The following VGLL4 variants were observed in gnomAD, a reference collection of about 807,000 sequenced individuals.
The protein encoded by VGLL4 is transcription cofactor vestigial-like protein 4.
VGLL4 carries 7 observed loss-of-function variants against 21.0 expected under a neutral mutation model. That is an observed-to-expected ratio of 0.33 (90% CI 0.19 to 0.63). VGLL4 has a LOEUF of 0.63. Ranked by LOEUF, VGLL4 falls within the 20% of genes least tolerant of loss-of-function variation. The pLI is 0.78. For missense variants in VGLL4, 394 were observed against 425.7 expected (o/e 0.93, Z 0.66); for synonymous variants, 222 against 173.2 (o/e 1.28, Z -2.21).
Position 11,558,531 on chromosome 3 carries a change from C to G in VGLL4, c.*25G>C. 1 of 1,565,006 alleles carries G rather than the reference C, an allele frequency of 6.4e-7. No homozygotes were observed. The highest frequency in any genetic ancestry group is 1.1e-5 in the South Asian group (1 of 90,674). On this transcript the variant is annotated 3_prime_UTR_variant, in exon 5 of 5. Coordinates refer to ENST00000430365, the MANE Select transcript of VGLL4 (RefSeq NM_001128219.3). ...AGCTCAGGCAAACCATGCAGATCCA[C>G]GTGTTGTTGGAGGAGGCGCTCCCTT...
intron 1 of VGLL4, among the ~76,000 whole-genome samples, chr3:11,716,165 G>T (rs956159315): frequency 2.6e-5 from 4 of 151,908 alleles, no homozygotes; most frequent in Non-Finnish European, 5.9e-5. Context: ...AGCCAGGTGT[G>T]GTGGTGGGTG....
In VGLL4 at chr3:11,618,714, T is replaced by C. The variant is rs539234697; in HGVS notation, c.83-16692A>G. 2.0e-5 allele frequency among the ~76,000 whole-genome samples: 3 copies of C among 152,330 alleles called. No individual in the cohort carries two copies. The South Asian group carries it at 6.2e-4, about 32-fold the overall frequency. On this transcript the variant is annotated intron_variant, in intron 1 of 4. Coordinates refer to ENST00000430365, the MANE Select transcript of VGLL4 (RefSeq NM_001128219.3). ...AGTAAAAAAGTCATAGAATTTAACC[T>C]GAAAACAAATATTCCATTAGCATGT...
intron 1 of VGLL4, chr3:11,627,228 A>ACTCTCTCTCTCTCTCT (rs1412462202): frequency 3.8e-4 from 47 of 123,456 alleles, no homozygotes; most frequent in African/African-American, 1.8e-3. Flanking sequence ...ACACACACAC[A>ACTCTCTCTCTCTCTCT]CACTCTCTCT....
rs141509494 is a variant in VGLL4, at chr3:11,568,828, G to A, written c.273-3809C>T. On this transcript the variant is annotated intron_variant, in intron 2 of 4. Coordinates refer to ENST00000430365, the MANE Select transcript of VGLL4 (RefSeq NM_001128219.3). This position sits in a 1 kb window ranked among gnomAD's most constrained non-coding sequence, Gnocchi z 5.9. ...CACGGCATCCCCGCGAACACCCAAAGGACTCTGAGTGGCTCCGTGCCAGGC... is the reference window on the plus strand; with the variant it reads ...CACGGCATCCCCGCGAACACCCAAAAGACTCTGAGTGGCTCCGTGCCAGGC... 647 of 1,417,860 alleles carry A rather than the reference G, an allele frequency of 4.6e-4. 3 individuals are homozygous for A. In the African/African-American group the frequency reaches 8.5e-3, roughly 19 times the overall value. The allele number at this position is 1,417,860 out of a possible 1,614,324, so 87.8% of individuals were successfully genotyped here. A position where few individuals can be genotyped will look rare whatever the true frequency, so the allele number is the denominator to read the frequency against.
intron 2 of VGLL4, among the ~76,000 whole-genome samples, chr3:11,681,869 C>T (rs774341118): frequency 7.9e-5 from 12 of 152,270 alleles, no homozygotes; most frequent in South Asian, 4.1e-4. Context: ...AACAGGGCGA[C>T]GGCCATAACA....
chr3:11,612,832 C>G (rs530663078), intron 1 of VGLL4, among the ~76,000 whole-genome samples: 1 of 152,352 alleles, frequency 6.6e-6, no homozygotes, highest in African/African-American at 2.4e-5. Flanking sequence ...ACCTTTAACA[C>G]CAAGTGCACA....
At position 11,558,920 on chromosome 3, in the gene VGLL4, G is replaced by C. The variant is rs552416606; in HGVS notation, c.620-93C>G. ...ACCCTCCCTCAGGCAGCCCAGAGCC[G>C]GACTGGCTGCCACGGTCAGCGTGGG... On this transcript the variant is annotated intron_variant, in intron 4 of 4. Coordinates refer to ENST00000430365, the MANE Select transcript of VGLL4 (RefSeq NM_001128219.3). 4.6e-5 allele frequency: 67 copies of C among 1,451,138 alleles called. 1 individual carries two copies. The South Asian group carries it at 7.6e-4, about 16-fold the overall frequency. The allele number at this position is 1,451,138 out of a possible 1,614,324, so 89.9% of individuals were successfully genotyped here.
intron 2 of VGLL4, among the ~76,000 whole-genome samples, chr3:11,650,689 C>T (rs1275009230): frequency 1.3e-5 from 2 of 149,454 alleles, no homozygotes; most frequent in East Asian, 3.9e-4. Context: ...TTTTAAAGTG[C>T]TTTTTTTCTC....
chr3:11,564,406 C>CG (rs894377008), intron 3 of VGLL4, among the ~76,000 whole-genome samples: 5 of 11,296 alleles, frequency 4.4e-4, no homozygotes, highest in Non-Finnish European at 2.1e-3. Context: ...AAACGTAGGA[C>CG]CCCCCCACCC....
chr3:11,590,140 T>C (rs1025716869), intron 2 of VGLL4, among the ~76,000 whole-genome samples: 1 of 152,276 alleles, frequency 6.6e-6, no homozygotes. Flanking sequence ...TAGAGCATCT[T>C]GAGAGAAGAG....
At chr3:11,692,307 T>C (rs1444742082) in intron 2 of VGLL4, among the ~76,000 whole-genome samples, 2 of 152,176 alleles carry the variant, frequency 1.3e-5, no homozygotes, top group Non-Finnish European at 2.9e-5. Flanking sequence ...GCAGAGACAC[T>C]GGTAGTAGCT....
chr3:11,631,143 C>G (rs1486442616), intron 1 of VGLL4, among the ~76,000 whole-genome samples: 1 of 152,170 alleles, frequency 6.6e-6, no homozygotes, highest in East Asian at 1.9e-4. Context: ...ATACGACGTT[C>G]AAGACCAGGC....
intron 1 of VGLL4, among the ~76,000 whole-genome samples, chr3:11,716,242 C>T (rs2076916995): frequency 6.8e-6 from 1 of 146,894 alleles, no homozygotes; most frequent in Non-Finnish European, 1.5e-5. Flanking sequence ...GTGGAAGTTG[C>T]AGTGAGCTGA....
rs2125267028 is a variant in VGLL4, at chr3:11,601,940, G to C, written c.165C>G (p.Pro55=). Residue 55 remains proline, a synonymous_variant, in exon 2 of 5, where the codon CCC becomes CCG. Transcript: ENST00000430365. ...SALSSHRTGP[P]PISPSKRKFS... ...ACTTCCTCTTGCTGGGGCTGATTGGGGGAGGGCCGGTGCGGTGACTGCTGA... is the reference window on the plus strand; with the variant it reads ...ACTTCCTCTTGCTGGGGCTGATTGGCGGAGGGCCGGTGCGGTGACTGCTGA... 6.2e-7 allele frequency: 1 copy of C among 1,613,452 alleles called. No homozygotes were observed. Among genetic ancestry groups the C allele is most frequent in the Non-Finnish European group, 8.5e-7 (1 of 1,179,758 alleles).
At chr3:11,577,826 T>A (rs2074098252) in intron 2 of VGLL4, among the ~76,000 whole-genome samples, 1 of 152,208 alleles carries the variant, frequency 6.6e-6, no homozygotes, top group African/African-American at 2.4e-5. Flanking sequence ...AGGTCTGCCC[T>A]TTGGAAAAAT....
At position 11,565,761 on chromosome 3, in the gene VGLL4, C is replaced by T. The variant is rs892937; in HGVS notation, c.273-742G>A. ...GATGCCACGTGGAATCCAGGTGAGACAGTCAGCACCACCTCCATCTGATGT... is the reference window on the plus strand; with the variant it reads ...GATGCCACGTGGAATCCAGGTGAGATAGTCAGCACCACCTCCATCTGATGT... On this transcript the variant is annotated intron_variant, in intron 2 of 4. Transcript: ENST00000430365. The surrounding 1 kb of genome is among the most constrained non-coding windows in gnomAD (Gnocchi z 4.1). Among the ~76,000 whole-genome samples, 2 of 151,990 alleles carry T rather than the reference C, an allele frequency of 1.3e-5. No individual in the cohort carries two copies. Among genetic ancestry groups the T allele is most frequent in the African/African-American group, 4.8e-5 (2 of 41,370 alleles).
chr3:11,558,475 ATTTT>A lies in VGLL4; in HGVS notation c.*77_*80del, dbSNP rs369629845. On this transcript the variant is annotated 3_prime_UTR_variant, in exon 5 of 5. Transcript: ENST00000430365. ...CCCTTCCCCCCACCCCACCCCCATG[ATTTT>A]TTTTTTTTTAAGTACTGACTGTTCA... The A allele has an allele frequency of 6.8e-4, 537 of 790,100 alleles. 3 individuals are homozygous for A. In the African/African-American group the frequency reaches 8.6e-3, roughly 13 times the overall value. 48.9% of individuals were successfully genotyped at this position (790,100 alleles called of 1,614,324 possible). A position where few individuals can be genotyped will look rare whatever the true frequency, so the allele number is the denominator to read the frequency against.
At chr3:11,634,226 G>C (rs779483902) in intron 1 of VGLL4, among the ~76,000 whole-genome samples, 3 of 152,128 alleles carry the variant, frequency 2.0e-5, no homozygotes, top group Non-Finnish European at 4.4e-5. Context: ...CCAGAACCTA[G>C]TCCTCTTCCT....
intron 1 of VGLL4, among the ~76,000 whole-genome samples, chr3:11,609,662 G>A (rs879625272): frequency 3.3e-5 from 5 of 152,216 alleles, no homozygotes; most frequent in South Asian, 2.1e-4. Context: ...GGGATAAGGC[G>A]GCGTTAGCAA....
Sources: allele counts gnomAD v4.1 joint callset (sites outside exome capture counted in the v4.1 genomes callset), GRCh38; gene constraint gnomAD v4.1.1; non-coding constraint Gnocchi (gnomAD v3.1); transcripts MANE v1.5; gene names NCBI Gene and HGNC (gene_info 2026-07-23, HGNC 2026-07-21).